TRIP12: variants seen among roughly 807,000 people sequenced by gnomAD.
The protein encoded by TRIP12 is E3 ubiquitin-protein ligase TRIP12.
In TRIP12, 25 loss-of-function variants were observed where a neutral mutation model predicts 244.2. The observed-to-expected ratio is 0.10, with a 90% CI of 0.07 to 0.14. TRIP12 has a LOEUF of 0.14. Among genes scored for constraint, TRIP12 ranks in the 10% least tolerant of loss-of-function variants. TRIP12 has a pLI of 1.00. For missense variants in TRIP12, 1,677 were observed against 2,486.4 expected, an observed-to-expected ratio of 0.67 and a Z score of 6.92; for synonymous variants, 905 against 873.1, an observed-to-expected ratio of 1.04 and a Z score of -0.64.
At chr2:229,812,481 T>C (rs2047509231) in intron 13 of TRIP12, among the ~76,000 whole-genome samples, 1 of 152,252 alleles carries the variant, frequency 6.6e-6, no homozygotes, top group Non-Finnish European at 1.5e-5. Context: ...TCTAGAGTGA[T>C]TCAATGATCA....
rs138600943 is a variant in TRIP12, at chr2:229,797,382, T to C, written c.3624+308A>G. ...GAAGGCCTATCATCTATACCTATAG[T>C]TGAGGATGACTTAGAAAACAGATGT... On this transcript the variant is annotated intron_variant, in intron 24 of 41. Transcript: ENST00000675903. Among the ~76,000 whole-genome samples, 765 of 152,232 alleles carry C rather than the reference T, an allele frequency of 5.0e-3. 4 individuals carry two copies. The highest frequency in any genetic ancestry group is 0.014 in the Middle Eastern group (4 of 294).
chr2:229,808,511 T>C (rs1290981312), intron 15 of TRIP12, 142 bp from the exon 16 acceptor site: 1 of 610,394 alleles, frequency 1.6e-6, no homozygotes, highest in Non-Finnish European at 2.8e-6. Context: ...ATGTAAAAAA[T>C]GCAAAAGTGC....
intron 5 of TRIP12, 89 bp downstream of exon 5, chr2:229,840,733 C>T (rs1242271566): frequency 1.1e-6 from 1 of 929,404 alleles, no homozygotes; most frequent in East Asian, 2.8e-5. Flanking sequence ...AAACAAAAAA[C>T]AACCTATGGA....
intron 1 of TRIP12, among the ~76,000 whole-genome samples, chr2:229,904,416 CAAA>C (rs34224407): frequency 2.3e-5 from 2 of 87,600 alleles, no homozygotes; most frequent in Non-Finnish European, 4.2e-5. Flanking sequence ...ACTCCATCTC[CAAA>C]AAAAAAAAAA....
chr2:229,869,101 C>A (rs949651031), intron 2 of TRIP12, among the ~76,000 whole-genome samples: 7 of 152,188 alleles, frequency 4.6e-5, no homozygotes, highest in African/African-American at 1.7e-4. Flanking sequence ...CCTGGACAGA[C>A]AACCTTTTTA....
intron 17 of TRIP12, chr2:229,807,391 GAAGA>G: frequency 5.9e-6 from 2 of 336,794 alleles, no homozygotes; most frequent in East Asian, 6.7e-5. Context: ...CTTTCTGATA[GAAGA>G]TAGATAAATT....
At position 229,804,305 on chromosome 2, in the gene TRIP12, C is replaced by G. The variant is rs1010776945; in HGVS notation, c.2651-78G>C. ...AACACAATAAACAATATAAAATACT[C>G]AAGCCAGTGTAATTCTTGAAATGCT... On this transcript the variant is annotated intron_variant, in intron 18 of 41. Coordinates refer to ENST00000675903, the MANE Select transcript of TRIP12 (RefSeq NM_001348323.3). The G allele has an allele frequency of 6.5e-5, 81 of 1,254,758 alleles. No individual in the cohort carries two copies. In the South Asian group the frequency reaches 9.3e-4, roughly 14 times the overall value. 77.7% of individuals were successfully genotyped at this position (1,254,758 alleles called of 1,614,324 possible).
intron 4 of TRIP12, among the ~76,000 whole-genome samples, chr2:229,848,061 C>A (rs2057939402): frequency 6.6e-6 from 1 of 152,098 alleles, no homozygotes; most frequent in African/African-American, 2.4e-5. Flanking sequence ...TTGAAACAAT[C>A]TTCTCTGTGG....
At chr2:229,830,672 T>G in intron 7 of TRIP12, 84 bp downstream of exon 7, 3 of 1,388,514 alleles carry the variant, frequency 2.2e-6, no homozygotes, top group Non-Finnish European at 3.0e-6. Context: ...TCAAATGAAT[T>G]TAACTAAATT....
chr2:229,858,284 G>A (rs1018414973), intron 4 of TRIP12, among the ~76,000 whole-genome samples: 2 of 152,106 alleles, frequency 1.3e-5, no homozygotes, highest in African/African-American at 4.8e-5. Context: ...GATTGCTTAA[G>A]CCCAGGAGGC....
intron 8 of TRIP12, among the ~76,000 whole-genome samples, chr2:229,822,955 C>T (rs1293737736): frequency 6.6e-6 from 1 of 152,082 alleles, no homozygotes; most frequent in African/African-American, 2.4e-5. Context: ...AGATTGAAGA[C>T]AGCAGAAAAA....
rs911269979 is a variant in TRIP12 at position 229,798,959 on chromosome 2, T to C, written c.3398A>G (p.Asn1133Ser). ...CCGTGCTGGCTCAATGTTGTTGCTG[T>C]TGGACTGTGTACTTAACCTTCCCCA... ...KTWGRLSTQSNSNNIEPARTA... is the reference protein window; with the variant it reads ...KTWGRLSTQSSSNNIEPARTA... Residue 1133 changes from asparagine to serine, a missense_variant, in exon 23 of 42, where the codon AAC becomes AGC. By Grantham distance (46) the Asn-to-Ser change is conservative. Transcript: ENST00000675903. The C allele has an allele frequency of 1.9e-6, 3 of 1,614,116 alleles. No individual in the cohort carries two copies. The East Asian group carries it at 6.7e-5, about 36-fold the overall frequency.
At chr2:229,811,276 T>A (rs904641225) in intron 13 of TRIP12, 72 bp from the exon 14 acceptor site, 3 of 1,451,918 alleles carry the variant, frequency 2.1e-6, no homozygotes, top group Non-Finnish European at 2.8e-6. Flanking sequence ...CACTACTTTA[T>A]CTTCCTCCTA....
chr2:229,840,244 T>C (rs1016216571), intron 5 of TRIP12, among the ~76,000 whole-genome samples: 2 of 152,102 alleles, frequency 1.3e-5, no homozygotes, highest in African/African-American at 4.8e-5. Context: ...ATTGTGAAAA[T>C]AGCGTTAACA....
At position 229,791,997 on chromosome 2, in the gene TRIP12, C is replaced by A. The variant is rs60925648; in HGVS notation, c.4284G>T (p.Leu1428=). The A allele has an allele frequency of 1.3e-3, 2,147 of 1,614,116 alleles. 25 individuals are homozygous for A. The African/African-American group carries it at 0.026, about 20-fold the overall frequency. ...CCTGATACACAGTCATGTTATACGG[C>A]AGCAAATGTTCTCCAATATAAAACT... ...RLQFYIGEHL[L]PYNMTVYQAV... Residue 1428 remains leucine (L), a synonymous_variant, in exon 29 of 42, where the codon CTG becomes CTT. Transcript: ENST00000675903.
At chr2:229,891,040 G>A (rs2067226892) in intron 1 of TRIP12, among the ~76,000 whole-genome samples, 1 of 152,182 alleles carries the variant, frequency 6.6e-6, no homozygotes, top group Admixed American at 6.5e-5. Flanking sequence ...CACTATGGGA[G>A]GCCAAGGCAC....
At chr2:229,789,067 A>T (rs1400744823) in intron 31 of TRIP12, 127 bp from the exon 32 acceptor site, 18 of 808,496 alleles carry the variant, frequency 2.2e-5, no homozygotes, top group Non-Finnish European at 3.4e-5. Context: ...TCCAACATAC[A>T]ACACACAGCC....
chr2:229,853,414 AC>A (rs1380050143), intron 4 of TRIP12, among the ~76,000 whole-genome samples: 1 of 152,128 alleles, frequency 6.6e-6, no homozygotes, highest in Non-Finnish European at 1.5e-5. Flanking sequence ...TAAATACATG[AC>A]CTGGCTGGGC....
chr2:229,873,475 A>T (rs2063048272), intron 2 of TRIP12, among the ~76,000 whole-genome samples: 2 of 152,220 alleles, frequency 1.3e-5, no homozygotes, highest in South Asian at 4.1e-4. Flanking sequence ...TTTGTAAATG[A>T]TTACCAAAAG....
Sources: allele counts gnomAD v4.1 joint callset (sites outside exome capture counted in the v4.1 genomes callset), GRCh38; gene constraint gnomAD v4.1.1; transcripts MANE v1.5; gene names NCBI Gene and HGNC (gene_info 2026-07-23, HGNC 2026-07-21).